Variants in LAMA2 observed in about 807,000 individuals in gnomAD.
LAMA2 encodes laminin subunit alpha-2.
Under a neutral mutation model 364.8 loss-of-function variants are expected in LAMA2, and 269 were observed. The ratio of observed to expected loss-of-function variants is 0.74; its 90% CI spans 0.67 to 0.82. LAMA2 has a LOEUF of 0.82. LAMA2 is among the 40% of genes least tolerant of loss of function. LAMA2 has a pLI of 0.00. For missense variants in LAMA2, 3,807 were observed against 3,873.2 expected (o/e 0.98, Z 0.45); for synonymous variants, 1,379 against 1,370.6 (o/e 1.01, Z -0.14).
chr6:129,187,639 A>G (rs1275109752), intron 10 of LAMA2, among the ~76,000 whole-genome samples: 1 of 151,874 alleles, frequency 6.6e-6, no homozygotes, highest in Non-Finnish European at 1.5e-5. Flanking sequence ...AGTATTAAAT[A>G]CAGGCTGAGT....
intron 62 of LAMA2, among the ~76,000 whole-genome samples, chr6:129,511,776 A>G (rs1338953856): frequency 6.6e-6 from 1 of 151,640 alleles, no homozygotes; most frequent in Non-Finnish European, 1.5e-5. Context: ...GAAAGAATTA[A>G]CTGGATGAAC....
chr6:129,467,645 A>G (rs1783613382), intron 51 of LAMA2, among the ~76,000 whole-genome samples: 1 of 151,920 alleles, frequency 6.6e-6, no homozygotes, highest in African/African-American at 2.4e-5. Context: ...TCAACAACTT[A>G]GGAGAACAAT....
chr6:129,279,483 A>G (rs2114388335), intron 17 of LAMA2, among the ~76,000 whole-genome samples: 1 of 152,264 alleles, frequency 6.6e-6, no homozygotes, highest in Non-Finnish European at 1.5e-5. Flanking sequence ...GTTTATGATA[A>G]GTTTAGGTAG....
intron 1 of LAMA2, among the ~76,000 whole-genome samples, chr6:128,889,885 T>C (rs144032537): frequency 4.6e-5 from 7 of 152,300 alleles, no homozygotes; most frequent in East Asian, 3.9e-4. Context: ...TGGATTTTAT[T>C]TGGACACGTG....
chr6:129,226,428 G>A (rs373580954), intron 12 of LAMA2, among the ~76,000 whole-genome samples: 37 of 152,258 alleles, frequency 2.4e-4, no homozygotes, highest in African/African-American at 7.9e-4. Flanking sequence ...TCCTAGCATC[G>A]ATGGTCTTTA....
chr6:129,456,866 T>C (rs1234527971), intron 48 of LAMA2, among the ~76,000 whole-genome samples: 1 of 152,194 alleles, frequency 6.6e-6, no homozygotes, highest in Non-Finnish European at 1.5e-5. Flanking sequence ...TCACATCTAA[T>C]TAAAAGATTT....
chr6:129,007,609 G>A (rs1300502275), intron 1 of LAMA2, among the ~76,000 whole-genome samples: 2 of 152,156 alleles, frequency 1.3e-5, no homozygotes, highest in East Asian at 3.8e-4. Context: ...CCATTGTCAT[G>A]TACATGTAAA....
In LAMA2 at chr6:129,312,920, A is replaced by G. The variant is rs769077288; in HGVS notation, c.3234A>G (p.Gln1078=). ...LDFQCNVNTG[Q]CNCHPKFSGA... is the part of the protein sequence containing the mutation. ...TCCAATGCAATGTAAATACAGGCCA[A>G]TGCAACTGTCATCCAAAATTCTCTG... Residue 1078 remains glutamine, a synonymous_variant, in exon 23 of 65, where the codon CAA becomes CAG. Transcript: ENST00000421865. 2.5e-6 allele frequency: 4 copies of G among 1,614,240 alleles called. No homozygotes were observed. Among genetic ancestry groups the G allele is most frequent in the African/African-American group, 2.7e-5 (2 of 75,070 alleles).
Position 129,369,958 on chromosome 6 carries a change from C to A in LAMA2, c.4927C>A (p.Leu1643Ile). 4 of 1,614,076 alleles carry A rather than the reference C, an allele frequency of 2.5e-6. No individual in the cohort carries two copies. The highest frequency in any genetic ancestry group is 2.5e-6 in the Non-Finnish European group (3 of 1,179,978). ...GCTGGCAGAGGGCAATCTGAATACA[C>A]TCGTGACCGAAATGAACGAGCTGCT... ...IQLAEGNLNT[L>I]VTEMNELLTR... Residue 1643 changes from leucine to isoleucine, a missense_variant, in exon 34 of 65, where the codon CTC becomes ATC. Leu to Ile is a conservative substitution (Grantham distance 5). This residue lies in a region of LAMA2 where 3,333 missense variants were observed against 3,345.7 expected (regional missense o/e 1.00). Coordinates refer to ENST00000421865, the MANE Select transcript of LAMA2 (RefSeq NM_000426.4).
rs71028162 is a variant in LAMA2, at chr6:129,450,289, GTTTGTTTTGTTTTGTTTTGTTTTGT to G, written c.6430-2674_6430-2650del. 2.2e-3 allele frequency among the ~76,000 whole-genome samples: 330 copies of G among 149,614 alleles called. 2 individuals carry two copies. The highest frequency in any genetic ancestry group is 7.2e-3 in the African/African-American group (292 of 40,336). On this transcript the variant is annotated intron_variant, in intron 45 of 64. Coordinates refer to ENST00000421865, the MANE Select transcript of LAMA2 (RefSeq NM_000426.4). ...CTGAGGGATATTATTCAATTGTGTTGTTTGTTTTGTTTTGTTTTGTTTTGTTTTGTTTTGTTTTGTTTTGTTTTGA... is the reference window on the plus strand; with the variant it reads ...CTGAGGGATATTATTCAATTGTGTTGTTTGTTTTGTTTTGTTTTGTTTTGA...
intron 45 of LAMA2, among the ~76,000 whole-genome samples, chr6:129,452,344 G>A (rs1782719930): frequency 6.6e-6 from 1 of 152,134 alleles, no homozygotes; most frequent in Non-Finnish European, 1.5e-5. Flanking sequence ...AGAAAAGGGA[G>A]CTGTTAAATA....
At chr6:129,055,988 C>T (rs769578906) in intron 2 of LAMA2, among the ~76,000 whole-genome samples, 56 of 152,130 alleles carry the variant, frequency 3.7e-4, no homozygotes, top group Non-Finnish European at 6.0e-4. Context: ...TCTCCCAGTC[C>T]TCCTTTTTGT....
intron 2 of LAMA2, among the ~76,000 whole-genome samples, chr6:129,055,410 T>C (rs1459481728): frequency 6.6e-6 from 1 of 151,986 alleles, no homozygotes; most frequent in East Asian, 1.9e-4. Flanking sequence ...GCCAGGCTGG[T>C]CTTGAACTCT....
intron 40 of LAMA2, among the ~76,000 whole-genome samples, chr6:129,405,270 T>C (rs1371269781): frequency 6.6e-6 from 1 of 152,154 alleles, no homozygotes; most frequent in Non-Finnish European, 1.5e-5. Flanking sequence ...AATTGACACC[T>C]TTTATGCCTG....
At chr6:129,292,728 T>C (rs1225007673) in intron 20 of LAMA2, 1 of 876,008 alleles carries the variant, frequency 1.1e-6, no homozygotes, top group Non-Finnish European at 1.4e-6. Context: ...TTTGAAAATA[T>C]CATCTGCTTC....
rs115237770 is a variant in LAMA2, at chr6:129,318,635, T to C, written c.4059-1903T>C. Among the ~76,000 whole-genome samples the C allele has an allele frequency of 4.3e-3, 653 of 152,214 alleles. 6 individuals carry two copies. The highest frequency in any genetic ancestry group is 0.015 in the African/African-American group (636 of 41,530). Reference sequence around the variant, plus strand: ...GAGAACATAAGGGAGAAGTTTTTCTTGCAGAAGGGGAGTGGTTTGCTTACA... The same window carrying C: ...GAGAACATAAGGGAGAAGTTTTTCTCGCAGAAGGGGAGTGGTTTGCTTACA... On this transcript the variant is annotated intron_variant, in intron 27 of 64. Transcript: ENST00000421865.
intron 8 of LAMA2, among the ~76,000 whole-genome samples, chr6:129,163,356 G>A (rs1037321928): frequency 5.9e-5 from 9 of 151,956 alleles, no homozygotes; most frequent in South Asian, 2.1e-4. Context: ...TCATTAGGCC[G>A]GGCACAGTGG....
intron 1 of LAMA2, among the ~76,000 whole-genome samples, chr6:128,920,680 A>G (rs1778647080): frequency 6.6e-6 from 1 of 151,206 alleles, no homozygotes; most frequent in Admixed American, 6.6e-5. Context: ...ATATATATAT[A>G]TATTATATAT....
chr6:128,964,825 T>C (rs1366997995), intron 1 of LAMA2, among the ~76,000 whole-genome samples: 1 of 152,060 alleles, frequency 6.6e-6, no homozygotes, highest in Admixed American at 6.6e-5. Context: ...TGAATTTATT[T>C]GGGAAATTGA....
Sources: gnomAD v4.1 joint callset for allele counts (sites outside exome capture counted in the v4.1 genomes callset) on GRCh38, gnomAD v4.1.1 for gene constraint, gnomAD v4.1.1 regional missense constraint, MANE v1.5 for transcripts, NCBI Gene and HGNC (gene_info 2026-07-23, HGNC 2026-07-21) for gene names.